CDK14: variants seen among roughly 807,000 people sequenced by gnomAD.
The protein encoded by CDK14 is cyclin-dependent kinase 14.
CDK14 carries 34 observed loss-of-function variants against 60.7 expected under a neutral mutation model. The observed-to-expected ratio is 0.56, with a 90% CI of 0.43 to 0.75. The LOEUF (loss-of-function observed/expected upper bound fraction) is 0.75. CDK14 is among the 30% of genes least tolerant of loss of function. CDK14 has a pLI of 0.00. For missense variants in CDK14, 482 were observed against 564.1 expected, an observed-to-expected ratio of 0.85 and a Z score of 1.47; for synonymous variants, 197 against 203.7, an observed-to-expected ratio of 0.97 and a Z score of 0.28.
intron 8 of CDK14, among the ~76,000 whole-genome samples, chr7:90,924,910 A>C (rs556053265): frequency 6.5e-4 from 99 of 152,234 alleles, no homozygotes; most frequent in African/African-American, 2.2e-3. Context: ...TTCTGTGGTA[A>C]TAGATAAACT....
At chr7:91,158,675 G>A (rs1470354271) in intron 14 of CDK14, among the ~76,000 whole-genome samples, 1 of 152,020 alleles carries the variant, frequency 6.6e-6, no homozygotes, top group Non-Finnish European at 1.5e-5. Context: ...AATGAAAATT[G>A]CCATAGAAAG....
intron 6 of CDK14, among the ~76,000 whole-genome samples, chr7:90,885,502 T>G (rs971860123): frequency 2.0e-5 from 3 of 152,186 alleles, no homozygotes; most frequent in Non-Finnish European, 4.4e-5. Context: ...TGGAAGACAG[T>G]GTGGCGATTT....
At chr7:90,832,044 T>A (rs1789930780) in intron 5 of CDK14, among the ~76,000 whole-genome samples, 2 of 152,112 alleles carry the variant, frequency 1.3e-5, no homozygotes, top group South Asian at 4.2e-4. Flanking sequence ...CTCAAAGATG[T>A]CTTCAGAGAA....
chr7:90,883,231 T>G (rs750327615), intron 6 of CDK14, among the ~76,000 whole-genome samples: 1 of 151,088 alleles, frequency 6.6e-6, no homozygotes, highest in Non-Finnish European at 1.5e-5. Context: ...GGGAGAAGAA[T>G]CAAATAGGCA....
At chr7:90,786,762 T>C (rs943093755) in intron 4 of CDK14, among the ~76,000 whole-genome samples, 1 of 151,272 alleles carries the variant, frequency 6.6e-6, no homozygotes, top group Admixed American at 6.6e-5. Flanking sequence ...AAAATTTTTT[T>C]TTTTAAATTA....
At chr7:90,992,317 T>C (rs575184843) in intron 10 of CDK14, among the ~76,000 whole-genome samples, 1 of 152,224 alleles carries the variant, frequency 6.6e-6, no homozygotes, top group South Asian at 2.1e-4. Context: ...GTTTTTGCAT[T>C]GGAGTACCAC....
intron 14 of CDK14, among the ~76,000 whole-genome samples, chr7:91,172,662 C>G (rs1801561841): frequency 6.6e-6 from 1 of 152,190 alleles, no homozygotes; most frequent in African/African-American, 2.4e-5. Flanking sequence ...ACTCTGTGTT[C>G]CCCACACACA....
chr7:91,183,982 G>C (rs974013021), intron 14 of CDK14, among the ~76,000 whole-genome samples: 3 of 152,082 alleles, frequency 2.0e-5, no homozygotes, highest in African/African-American at 7.2e-5. Flanking sequence ...ATCACTTGAG[G>C]CCAGGAGTTC....
chr7:90,849,344 C>A (rs1247824744), intron 5 of CDK14, among the ~76,000 whole-genome samples: 1 of 152,022 alleles, frequency 6.6e-6, no homozygotes, highest in Admixed American at 6.5e-5. Context: ...GAGTGCCATG[C>A]TTATATAGCC....
At chr7:90,965,826 C>G (rs1453975084) in intron 9 of CDK14, among the ~76,000 whole-genome samples, 1 of 152,120 alleles carries the variant, frequency 6.6e-6, no homozygotes, top group East Asian at 1.9e-4. Flanking sequence ...TCAGAATTTT[C>G]AATACATTGT....
At chr7:90,962,273 G>A (rs1562846886) in intron 9 of CDK14, among the ~76,000 whole-genome samples, 1 of 152,084 alleles carries the variant, frequency 6.6e-6, no homozygotes, top group Non-Finnish European at 1.5e-5. Flanking sequence ...GATCACCTGA[G>A]GGCAGGAGTT....
At chr7:90,809,140 C>A (rs1157476613) in intron 5 of CDK14, among the ~76,000 whole-genome samples, 2 of 152,166 alleles carry the variant, frequency 1.3e-5, no homozygotes, top group Non-Finnish European at 2.9e-5. Flanking sequence ...ATCTACAGAA[C>A]TCTCCACCCC....
intron 10 of CDK14, among the ~76,000 whole-genome samples, chr7:91,044,608 T>G (rs1332775847): frequency 1.3e-5 from 2 of 152,126 alleles, no homozygotes; most frequent in Admixed American, 1.3e-4. Flanking sequence ...CAGGTTAACT[T>G]GAGAATGCCT....
chr7:91,208,490 T>C lies in CDK14; in HGVS notation c.*1354T>C, dbSNP rs540623102. On this transcript the variant is annotated 3_prime_UTR_variant, in exon 15 of 15. Transcript: ENST00000380050. ...CCAAGGGGACAGTTAGGAGACTTCA[T>C]CTAAAGCATGAAACCTAGCTCCTCT... 1 of 152,324 alleles carries C rather than the reference T, an allele frequency of 6.6e-6. No homozygotes were observed. The highest frequency in any genetic ancestry group is 2.4e-5 in the African/African-American group (1 of 41,470). 9.4% of individuals were successfully genotyped at this position (152,324 alleles called of 1,614,324 possible).
intron 8 of CDK14, among the ~76,000 whole-genome samples, chr7:90,939,833 G>A (rs1023417887): frequency 5.9e-5 from 9 of 152,192 alleles, no homozygotes; most frequent in Non-Finnish European, 1.2e-4. Context: ...AGCTTTGGAA[G>A]GCAACTTGGT....
At chr7:91,129,940 T>C (rs959373204) in intron 14 of CDK14, among the ~76,000 whole-genome samples, 3 of 152,178 alleles carry the variant, frequency 2.0e-5, no homozygotes, top group Non-Finnish European at 4.4e-5. Flanking sequence ...AAATATTCAC[T>C]GAAAGTTTAA....
chr7:91,092,670 A>G (rs1798865846), intron 12 of CDK14, among the ~76,000 whole-genome samples: 1 of 152,214 alleles, frequency 6.6e-6, no homozygotes, highest in South Asian at 2.1e-4. Context: ...CTGTTTGATA[A>G]TAGCATTTCA....
chr7:90,901,874 C>A (rs568112819), intron 7 of CDK14, among the ~76,000 whole-genome samples: 2 of 151,934 alleles, frequency 1.3e-5, no homozygotes, highest in Non-Finnish European at 2.9e-5. Flanking sequence ...TCTAAAGACT[C>A]CACCAAAAAA....
At chr7:90,956,165 A>G (rs1306304321) in intron 9 of CDK14, among the ~76,000 whole-genome samples, 1 of 152,162 alleles carries the variant, frequency 6.6e-6, no homozygotes, top group Non-Finnish European at 1.5e-5. Flanking sequence ...AGCAGGGAGT[A>G]TGTTTAAATT....
Sources: gnomAD v4.1 joint callset for allele counts (sites outside exome capture counted in the v4.1 genomes callset) on GRCh38, gnomAD v4.1.1 for gene constraint, MANE v1.5 for transcripts, NCBI Gene and HGNC (gene_info 2026-07-23, HGNC 2026-07-21) for gene names.